Variants in DYNC1H1 observed in about 807,000 individuals in gnomAD.
The protein encoded by DYNC1H1 is dynein cytoplasmic 1 heavy chain 1, also known as cytoplasmic dynein 1 heavy chain 1.
DYNC1H1 carries 51 observed loss-of-function variants against 527.1 expected under a neutral mutation model. The observed-to-expected ratio is 0.10, with a 90% CI of 0.08 to 0.12. DYNC1H1 has a LOEUF of 0.12. DYNC1H1 is among the 10% of genes least tolerant of loss of function. The pLI, the probability that DYNC1H1 is intolerant of heterozygous loss-of-function variation, is 1.00. For missense variants in DYNC1H1, 2,771 were observed against 5,971.8 expected, an observed-to-expected ratio of 0.46 and a Z score of 17.66; for synonymous variants, 2,189 against 2,278.8, an observed-to-expected ratio of 0.96 and a Z score of 1.12.
At position 101,983,795 on chromosome 14, in the gene DYNC1H1, A is replaced by G. The variant is rs530563536; in HGVS notation, c.1461+186A>G. 4.6e-5 allele frequency among the ~76,000 whole-genome samples: 7 copies of G among 151,952 alleles called. No homozygotes were observed. The highest frequency in any genetic ancestry group is 4.2e-4 in the South Asian group (2 of 4,812). ...TGGGTTCAAGCGATTCTCCTGCCTC[A>G]GCCTCTCGAGTAGCTGGGATTACAG... On this transcript the variant is annotated intron_variant, in intron 7 of 77. Transcript: ENST00000360184. This position sits in a 1 kb window ranked among gnomAD's most constrained non-coding sequence, Gnocchi z 5.3.
chr14:102,048,396 G>T, intron 73 of DYNC1H1, 120 bp from the exon 74 acceptor site: 1 of 1,374,468 alleles, frequency 7.3e-7, no homozygotes, highest in South Asian at 1.2e-5. Flanking sequence ...AGCTGTCCGT[G>T]ACCCTGGACA....
chr14:102,049,262 G>C lies in DYNC1H1; in HGVS notation c.13373-178G>C. 2.5e-6 allele frequency: 2 copies of C among 801,818 alleles called. No individual in the cohort carries two copies. Among genetic ancestry groups the C allele is most frequent in the Non-Finnish European group, 4.1e-6 (2 of 488,984 alleles). 49.7% of individuals were successfully genotyped at this position (801,818 alleles called of 1,614,324 possible). On this transcript the variant is annotated intron_variant, in intron 74 of 77. Transcript: ENST00000360184. The surrounding 1 kb of genome is among the most constrained non-coding windows in gnomAD (Gnocchi z 5.5). ...ACATGCTCTGGACCAGCCTGAGCTAGAGCAGATGTGGTGAGGGCGGCGCCA... is the reference window on the plus strand; with the variant it reads ...ACATGCTCTGGACCAGCCTGAGCTACAGCAGATGTGGTGAGGGCGGCGCCA...
Position 101,987,538 on chromosome 14 carries a change from C to G in DYNC1H1, c.2624C>G (p.Ser875Trp), listed in dbSNP as rs184868637. The G allele has an allele frequency of 1.2e-6, 2 of 1,614,100 alleles. No individual in the cohort carries two copies. The highest frequency in any genetic ancestry group is 1.7e-6 in the Non-Finnish European group (2 of 1,180,022). Residue 875 changes from serine to tryptophan, a missense_variant, in exon 9 of 78, where the codon TCG becomes TGG. By Grantham distance (177) the Ser-to-Trp change is radical. This residue lies in a region of DYNC1H1 where 179 missense variants were observed against 349.4 expected (regional missense o/e 0.51). Coordinates refer to ENST00000360184, the MANE Select transcript of DYNC1H1 (RefSeq NM_001376.5). ...ETCMYDHKTF[S>W]EILNRVQKAV... ...TGTATGTATGACCATAAGACATTCT[C>G]GGAAATCTTGAACAGAGTCCAGAAA...
chr14:102,048,214 T>C lies in DYNC1H1; in HGVS notation c.13218+186T>C, dbSNP rs1178224902. 8 of 809,692 alleles carry C rather than the reference T, an allele frequency of 9.9e-6. No homozygotes were observed. The Admixed American group carries it at 1.2e-4, about 13-fold the overall frequency. 50.2% of individuals were successfully genotyped at this position (809,692 alleles called of 1,614,324 possible). ...GCAAGATGAGTTGGCCCTTTTGAAA[T>C]GGACTGAAAACACCCTAGAAGATTG... On this transcript the variant is annotated intron_variant, in intron 73 of 77. Transcript: ENST00000360184.
intron 1 of DYNC1H1, among the ~76,000 whole-genome samples, chr14:101,966,085 A>G (rs1000514785): frequency 2.6e-5 from 4 of 152,154 alleles, no homozygotes; most frequent in African/African-American, 7.2e-5. Flanking sequence ...GTCTAAAAAT[A>G]TTTGCCAACA....
rs571005578 is a variant in DYNC1H1 at position 102,050,104 on chromosome 14, A to G, written c.13718A>G (p.Asn4573Ser). The G allele has an allele frequency of 4.3e-5, 68 of 1,566,912 alleles. No individual in the cohort carries two copies. The South Asian group carries it at 6.6e-4, about 15-fold the overall frequency. Residue 4573 changes from asparagine (N) to serine (S), a missense_variant, in exon 77 of 78, where the codon AAC becomes AGC. By Grantham distance (46) the Asn-to-Ser change is conservative. Coordinates refer to ENST00000360184, the MANE Select transcript of DYNC1H1 (RefSeq NM_001376.5). ...LKLQGATCNN[N>S]KLSLSNAIST... ...CTTCAAGGGGCCACGTGCAACAACA[A>G]CAAGCTGTCACTGTCCAATGCCATC...
rs546352227 is a variant in DYNC1H1, at chr14:102,027,024, T to C, written c.8772-150T>C. 1.7e-5 allele frequency: 17 copies of C among 990,752 alleles called. No individual in the cohort carries two copies. The highest frequency in any genetic ancestry group is 2.2e-5 in the Non-Finnish European group (14 of 623,170). 61.4% of individuals were successfully genotyped at this position (990,752 alleles called of 1,614,324 possible). On this transcript the variant is annotated intron_variant, in intron 44 of 77. Coordinates refer to ENST00000360184, the MANE Select transcript of DYNC1H1 (RefSeq NM_001376.5). The surrounding 1 kb of genome is among the most constrained non-coding windows in gnomAD (Gnocchi z 7.7). ...GTCTTACTGGTCTTTGCATTCCTCC[T>C]GGACTTCACAAATAACAGTTGCTCA...
chr14:102,010,581 G>A lies in DYNC1H1; in HGVS notation c.6405+122G>A. The A allele has an allele frequency of 6.6e-7, 1 of 1,511,026 alleles. No individual in the cohort carries two copies. The highest frequency in any genetic ancestry group is 9.0e-7 in the Non-Finnish European group (1 of 1,108,016). 93.6% of individuals were successfully genotyped at this position (1,511,026 alleles called of 1,614,324 possible). The stretch of plus-strand genomic sequence containing the variant: ...CACATGTCTTGGGATGGCTGAAATA[G>A]ACTGTAATGTTGACCCAGTGAGTCG... On this transcript the variant is annotated intron_variant, in intron 31 of 77. Coordinates refer to ENST00000360184, the MANE Select transcript of DYNC1H1 (RefSeq NM_001376.5). This position sits in a 1 kb window ranked among gnomAD's most constrained non-coding sequence, Gnocchi z 6.0.
At chr14:102,021,807 TG>T (rs1285886936) in intron 42 of DYNC1H1, among the ~76,000 whole-genome samples, 3 of 151,770 alleles carry the variant, frequency 2.0e-5, no homozygotes, top group Non-Finnish European at 4.4e-5. Context: ...ATTACAGACA[TG>T]TGCCACCACG....
chr14:102,018,617 G>A lies in DYNC1H1; in HGVS notation c.8343+1G>A. ...GGTGGAGTTCTACACCATGTCTCAG[G>A]TACGCAGAGTTTCTTTGCTCTTCCA... On this transcript the variant is annotated splice_donor_variant, in intron 41 of 77. Coordinates refer to ENST00000360184, the MANE Select transcript of DYNC1H1 (RefSeq NM_001376.5). LOFTEE classifies it high-confidence loss of function. The surrounding 1 kb of genome is among the most constrained non-coding windows in gnomAD (Gnocchi z 5.2). 6.2e-7 allele frequency: 1 copy of A among 1,613,556 alleles called. No homozygotes were observed. The highest frequency in any genetic ancestry group is 2.2e-5 in the East Asian group (1 of 44,878).
chr14:101,988,336 A>G (rs1056682219), intron 9 of DYNC1H1, among the ~76,000 whole-genome samples: 2 of 152,228 alleles, frequency 1.3e-5, no homozygotes, highest in African/African-American at 4.8e-5. Flanking sequence ...ATCCCCGTAG[A>G]CAAGTGGGGA....
In DYNC1H1 at chr14:102,049,415, T is replaced by A. The variant is rs888324883; in HGVS notation, c.13373-25T>A. Reference sequence around the variant, plus strand: ...GGGGGAGTTGTGAGAGCTGACACCCTGGGCTCTGTGTGCCTTGGCTGCAGG... The same window carrying A: ...GGGGGAGTTGTGAGAGCTGACACCCAGGGCTCTGTGTGCCTTGGCTGCAGG... On this transcript the variant is annotated intron_variant, in intron 74 of 77. Coordinates refer to ENST00000360184, the MANE Select transcript of DYNC1H1 (RefSeq NM_001376.5). This position sits in a 1 kb window ranked among gnomAD's most constrained non-coding sequence, Gnocchi z 5.5. The A allele has an allele frequency of 1.5e-5, 25 of 1,613,504 alleles. No homozygotes were observed. The highest frequency in any genetic ancestry group is 2.0e-5 in the Non-Finnish European group (24 of 1,180,034).
intron 51 of DYNC1H1, chr14:102,030,591 A>G: frequency 2.8e-6 from 1 of 356,314 alleles, no homozygotes; most frequent in South Asian, 2.7e-5. Context: ...TAAGTATGCT[A>G]TTTATCAATC....
intron 64 of DYNC1H1, 142 bp downstream of exon 64, chr14:102,040,815 C>T: frequency 4.9e-6 from 5 of 1,026,202 alleles, no homozygotes; most frequent in Non-Finnish European, 4.4e-6. Context: ...AAACCTTAGC[C>T]AGGCGTGGCG....
At chr14:101,988,228 T>C (rs2047957694) in intron 9 of DYNC1H1, among the ~76,000 whole-genome samples, 1 of 152,206 alleles carries the variant, frequency 6.6e-6, no homozygotes, top group Non-Finnish European at 1.5e-5. Flanking sequence ...TCCTTATGAT[T>C]CGTGTTACCT....
In DYNC1H1 at chr14:102,044,458, G is replaced by A. The variant is rs1555412242; in HGVS notation, c.12869G>A (p.Gly4290Glu). 1.9e-6 allele frequency: 3 copies of A among 1,614,198 alleles called. No homozygotes were observed. Among genetic ancestry groups the A allele is most frequent in the Non-Finnish European group, 2.5e-6 (3 of 1,180,040 alleles). ...TTTAAGCTGGCATGCAAGGTCGACGGACATAAAGACATTCAAATGCCAGAT... is the reference window on the plus strand; with the variant it reads ...TTTAAGCTGGCATGCAAGGTCGACGAACATAAAGACATTCAAATGCCAGAT... ...SEFKLACKVD[G>E]HKDIQMPDGI... The change falls in exon 71 of 78, where the codon GGA becomes GAA. Residue 4290 changes from glycine (G) to glutamate (E), a missense_variant. By Grantham distance (98) the Gly-to-Glu change is moderately conservative (BLOSUM62 -2). Coordinates refer to ENST00000360184, the MANE Select transcript of DYNC1H1 (RefSeq NM_001376.5). This position sits in a 1 kb window ranked among gnomAD's most constrained non-coding sequence, Gnocchi z 7.1.
intron 1 of DYNC1H1, among the ~76,000 whole-genome samples, chr14:101,967,599 G>A (rs983958714): frequency 3.3e-5 from 5 of 152,144 alleles, no homozygotes; most frequent in Middle Eastern, 3.2e-3. Context: ...CAGCACTTTG[G>A]GAGACCAAGG....
chr14:101,995,880 G>C (rs2048055321), intron 15 of DYNC1H1, among the ~76,000 whole-genome samples: 2 of 151,882 alleles, frequency 1.3e-5, no homozygotes, highest in African/African-American at 4.8e-5. Context: ...GGCCAACATA[G>C]TGAAACCCCA....
chr14:102,043,883 C>A lies in DYNC1H1; in HGVS notation c.12522C>A (p.Asn4174Lys). The change falls in exon 70 of 78, where the codon AAC (asparagine) becomes AAA (lysine). Residue 4174 changes from asparagine (N) to lysine (K), a missense_variant. By Grantham distance (94) the Asn-to-Lys change is moderately conservative. This residue lies in a region of DYNC1H1 where 195 missense variants were observed against 428.6 expected (regional missense o/e 0.45). Transcript: ENST00000360184. ...GTCACTTTCCTCACCAGTCTCCCAA[C>A]GAGCGTGCCCGCTTGTACTTCCTGC... ...IPVSRICKSPNERARLYFLLA... is the reference protein window; with the variant it reads ...IPVSRICKSPKERARLYFLLA... 1 of 1,614,202 alleles carries A rather than the reference C, an allele frequency of 6.2e-7. No homozygotes were observed. The highest frequency in any genetic ancestry group is 8.5e-7 in the Non-Finnish European group (1 of 1,180,038).
Sources: gnomAD v4.1 joint callset for allele counts (sites outside exome capture counted in the v4.1 genomes callset) on GRCh38, gnomAD v4.1.1 for gene constraint, gnomAD v4.1.1 regional missense constraint, Gnocchi (gnomAD v3.1) non-coding constraint, MANE v1.5 for transcripts, NCBI Gene and HGNC (gene_info 2026-07-23, HGNC 2026-07-21) for gene names.